The following TRPM8 variants were observed in gnomAD, a reference collection of about 807,000 sequenced individuals.
The protein encoded by TRPM8 is TRPM8 cationic channel.
In TRPM8, 110 loss-of-function variants were observed where a neutral mutation model predicts 133.7. The ratio of observed to expected loss-of-function variants is 0.82; its 90% CI spans 0.70 to 0.96. The LOEUF (loss-of-function observed/expected upper bound fraction) is 0.96. Among genes scored for constraint, TRPM8 ranks in the 40% least tolerant of loss-of-function variants. TRPM8 has a pLI of 0.00. For missense variants in TRPM8, 1,291 were observed against 1,379.5 expected, an observed-to-expected ratio of 0.94 and a Z score of 1.02; for synonymous variants, 535 against 532.3, an observed-to-expected ratio of 1.01 and a Z score of -0.07.
At position 233,986,002 on chromosome 2, in the gene TRPM8, G is replaced by A. The variant is rs28902209; in HGVS notation, c.2939+137G>A. The A allele has an allele frequency of 2.4e-3, 1,879 of 796,494 alleles. 18 individuals carry two copies. The African/African-American group carries it at 0.029, about 12-fold the overall frequency. 49.3% of individuals were successfully genotyped at this position (796,494 alleles called of 1,614,324 possible). A position where few individuals can be genotyped will look rare whatever the true frequency, so the allele number is the denominator to read the frequency against. On this transcript the variant is annotated intron_variant, in intron 21 of 25. Coordinates refer to ENST00000324695, the MANE Select transcript of TRPM8 (RefSeq NM_024080.5). ...GATCTTTTGGGGGATTGGTGGACTG[G>A]AGGGAGTGGGGCCTTTTTAAAGGGA...
intron 3 of TRPM8, among the ~76,000 whole-genome samples, chr2:233,935,942 G>T (rs55720438): frequency 7.2e-5 from 11 of 152,156 alleles, no homozygotes; most frequent in African/African-American, 2.7e-4. Flanking sequence ...TGTGTTTTTA[G>T]ATTTTTTTTA....
chr2:233,927,739 T>TTTCC (rs1480267155), intron 2 of TRPM8, among the ~76,000 whole-genome samples: 3 of 60,032 alleles, frequency 5.0e-5, no homozygotes, highest in Non-Finnish European at 7.6e-5. Flanking sequence ...TCTTTCTTTC[T>TTTCC]TTCTTTCTTT....
At position 233,960,999 on chromosome 2, in the gene TRPM8, C is replaced by A. The variant is rs544116828; in HGVS notation, c.1586C>A (p.Ala529Glu). The A allele has an allele frequency of 5.6e-6, 9 of 1,614,008 alleles. No homozygotes were observed. Among genetic ancestry groups the A allele is most frequent in the Non-Finnish European group, 5.1e-6 (6 of 1,180,038 alleles). Residue 529 changes from alanine (A) to glutamate (E), a missense_variant, in exon 12 of 26, where the codon GCG becomes GAG. By Grantham distance (107) the Ala-to-Glu change is moderately radical (BLOSUM62 -1). Coordinates refer to ENST00000324695, the MANE Select transcript of TRPM8 (RefSeq NM_024080.5). ...CTCACGTTTGTCTGGAAACTGGTTG[C>A]GAACTTCCGAAGAGGCTTCCGGAAG... ...ALLTFVWKLV[A>E]NFRRGFRKED...
At chr2:233,918,607 G>A (rs1691349094) in intron 1 of TRPM8, among the ~76,000 whole-genome samples, 1 of 151,988 alleles carries the variant, frequency 6.6e-6, no homozygotes, top group African/African-American at 2.4e-5. Context: ...AATGACTTCG[G>A]GAGCCTCCAC....
intron 24 of TRPM8, 27 bp from the exon 25 acceptor site, chr2:234,014,533 GAT>G: frequency 6.9e-7 from 1 of 1,454,438 alleles, no homozygotes; most frequent in Non-Finnish European, 9.3e-7. Flanking sequence ...TTTATCTTAA[GAT>G]GAGTTCTATT....
chr2:234,002,475 C>T (rs889569069), intron 22 of TRPM8, among the ~76,000 whole-genome samples: 1 of 152,114 alleles, frequency 6.6e-6, no homozygotes, highest in African/African-American at 2.4e-5. Context: ...ATCATGACAC[C>T]TCTTTGATGA....
At chr2:233,922,955 G>A (rs1691438385) in intron 1 of TRPM8, among the ~76,000 whole-genome samples, 2 of 152,108 alleles carry the variant, frequency 1.3e-5, no homozygotes, top group South Asian at 2.1e-4. Context: ...TTCAAGCTCC[G>A]CCTCCCAGGT....
chr2:233,921,782 T>C (rs547703067), intron 1 of TRPM8, among the ~76,000 whole-genome samples: 1 of 149,388 alleles, frequency 6.7e-6, no homozygotes, highest in Admixed American at 6.8e-5. Flanking sequence ...GGGATTCTGG[T>C]GACTCAGCCT....
chr2:233,964,809 C>G (rs779450799), intron 14 of TRPM8, 52 bp downstream of exon 14: 11 of 1,531,652 alleles, frequency 7.2e-6, no homozygotes, highest in Middle Eastern at 3.5e-4. Flanking sequence ...CCATGTGGCA[C>G]AGACATTGCC....
chr2:233,930,279 T>C (rs1691654229), intron 2 of TRPM8, among the ~76,000 whole-genome samples: 1 of 152,234 alleles, frequency 6.6e-6, no homozygotes, highest in African/African-American at 2.4e-5. Flanking sequence ...GTTTTTGGAA[T>C]ATGTCTTCTT....
In TRPM8 at chr2:233,964,573, A is replaced by AAG; in HGVS notation, c.1750-54_1750-53insGA. ...TCTCAAAAAAAAAAAAAAAAAAAAA[A>AAG]AAAAGAAAAGGAAAAAAAAGAATTA... is the stretch of plus-strand genomic sequence containing the variant. On this transcript the variant is annotated intron_variant, in intron 13 of 25. Coordinates refer to ENST00000324695, the MANE Select transcript of TRPM8 (RefSeq NM_024080.5). 9 of 1,358,680 alleles carry AAG rather than the reference A, an allele frequency of 6.6e-6. No homozygotes were observed. The African/African-American group carries it at 1.2e-4, about 18-fold the overall frequency. The allele number at this position is 1,358,680 out of a possible 1,614,324, so 84.2% of individuals were successfully genotyped here.
chr2:233,932,454 G>C (rs938574241), intron 3 of TRPM8, among the ~76,000 whole-genome samples: 3 of 151,686 alleles, frequency 2.0e-5, no homozygotes, highest in Admixed American at 6.5e-5. Context: ...CTGGAGGATG[G>C]AAGTTGAGGG....
chr2:233,985,372 AC>A (rs1249899248), intron 20 of TRPM8, among the ~76,000 whole-genome samples: 1 of 152,184 alleles, frequency 6.6e-6, no homozygotes, highest in Non-Finnish European at 1.5e-5. Context: ...ATGGACTGAG[AC>A]TTTAAATGTG....
chr2:233,971,033 G>T (rs1359274153), intron 17 of TRPM8, among the ~76,000 whole-genome samples: 1 of 152,164 alleles, frequency 6.6e-6, no homozygotes, highest in Non-Finnish European at 1.5e-5. Context: ...AATATTGATG[G>T]TGAAAGTGGT....
rs1173898815 is a variant in TRPM8, at chr2:233,981,769, C to G, written c.2448-5C>G. The G allele has an allele frequency of 6.2e-7, 1 of 1,600,978 alleles. No homozygotes were observed. Among genetic ancestry groups the G allele is most frequent in the South Asian group, 1.1e-5 (1 of 87,458 alleles). On this transcript the variant is annotated splice_polypyrimidine_tract_variant and splice_region_variant and intron_variant, in intron 18 of 25. Transcript: ENST00000324695. ...CATGAATTCTGTTCCTTCTTTTCCC[C>G]CTAGGCTCCACTCTTCTAATAAAAG...
At chr2:233,973,038 G>A (rs115436602) in intron 17 of TRPM8, among the ~76,000 whole-genome samples, 2,889 of 152,354 alleles carry the variant, frequency 0.019, 99 homozygotes, top group African/African-American at 0.066. Context: ...TCTCAGAAGC[G>A]TAAGGTAAAT....
Position 233,926,630 on chromosome 2 carries a change from C to T in TRPM8, c.93C>T (p.Ser31=). 5 of 1,613,912 alleles carry T rather than the reference C, an allele frequency of 3.1e-6. No individual in the cohort carries two copies. The South Asian group carries it at 3.3e-5, about 11-fold the overall frequency. Residue 31 remains serine, a synonymous_variant, in exon 2 of 26, where the codon AGC becomes AGT. Transcript: ENST00000324695. ...TRTLYSSASR[S]TDLSYSESDL... is the part of the protein sequence containing the mutation. ...CCCTGTACTCCAGCGCGTCTCGGAGCACAGACTTGTCTTACAGTGAAAGCG... is the reference window on the plus strand; with the variant it reads ...CCCTGTACTCCAGCGCGTCTCGGAGTACAGACTTGTCTTACAGTGAAAGCG...
chr2:234,004,389 C>T (rs6712962), intron 22 of TRPM8, among the ~76,000 whole-genome samples: 85,889 of 152,070 alleles, frequency 0.56, 24,245 homozygotes, highest in Middle Eastern at 0.65. Flanking sequence ...TTTGCTTCTC[C>T]TCCTTGGAGA....
intron 4 of TRPM8, 49 bp from the exon 5 acceptor site, chr2:233,938,949 C>T: frequency 1.3e-6 from 2 of 1,586,066 alleles, no homozygotes. Flanking sequence ...AAACCCCGAC[C>T]TCAGGAGAAC....
Sources: allele counts gnomAD v4.1 joint callset (sites outside exome capture counted in the v4.1 genomes callset), GRCh38; gene constraint gnomAD v4.1.1; transcripts MANE v1.5; gene names NCBI Gene and HGNC (gene_info 2026-07-23, HGNC 2026-07-21).